TNNT3: variants seen among roughly 807,000 people sequenced by gnomAD.
TNNT3 encodes the protein troponin T, fast skeletal muscle.
A neutral mutation model predicts 54.2 loss-of-function variants in TNNT3; 36 were observed. The ratio of observed to expected loss-of-function variants is 0.66; its 90% CI spans 0.51 to 0.88. The LOEUF (loss-of-function observed/expected upper bound fraction) is 0.88. TNNT3 is among the 40% of genes least tolerant of loss of function. The probability of loss-of-function intolerance (pLI) is 0.00; values close to 1 mark genes in which losing one functional copy is unlikely to be tolerated. For synonymous variants in TNNT3, 120 were observed against 109.7 expected (o/e 1.09, Z -0.59); for missense variants, 291 against 331.6 (o/e 0.88, Z 0.95).
Position 1,927,433 on chromosome 11 carries a change from C to G in TNNT3, c.82+724C>G, listed in dbSNP as rs372647049. Among the ~76,000 whole-genome samples, 4 of 152,272 alleles carry G rather than the reference C, an allele frequency of 2.6e-5. No homozygotes were observed. In the East Asian group the frequency reaches 7.7e-4, roughly 29 times the overall value. The stretch of plus-strand genomic sequence containing the variant: ...AGCTGGGGAGTGCTTCTCAGCTCCC[C>G]CCGTTCATGGGCCGTGGGGCTGAGG... On this transcript the variant is annotated intron_variant, in intron 6 of 15. Transcript: ENST00000278317.
chr11:1,923,451 GCTGGCCTGTCCAGGGCCGGGACACA>G (rs2133248757), intron 3 of TNNT3, 79 bp from the exon 4 acceptor site: 1 of 1,282,434 alleles, frequency 7.8e-7, no homozygotes, highest in Non-Finnish European at 1.1e-6. Context: ...AGGGGCAGTC[GCTGGCCTGTCCAGGGCCGGGACACA>G]CTGGCCTCTC....
intron 7 of TNNT3, among the ~76,000 whole-genome samples, chr11:1,929,353 G>T (rs1241857852): frequency 2.0e-5 from 3 of 152,118 alleles, no homozygotes; most frequent in Non-Finnish European, 4.4e-5. Context: ...GGGTGCCACC[G>T]CTCCAAGTTT....
chr11:1,938,305 G>T, intron 15 of TNNT3, 133 bp from the exon 16 acceptor site: 2 of 964,518 alleles, frequency 2.1e-6, no homozygotes, highest in Non-Finnish European at 3.3e-6. Context: ...CTGGGTGTGG[G>T]CCGCAAGCTT....
At chr11:1,924,959 C>A in intron 4 of TNNT3, 140 bp from the exon 5 acceptor site, 1 of 904,988 alleles carries the variant, frequency 1.1e-6, no homozygotes, top group Non-Finnish European at 1.8e-6. Context: ...TCTTTCACCC[C>A]TGCCAAGCGA....
intron 15 of TNNT3, among the ~76,000 whole-genome samples, chr11:1,937,950 G>C (rs1032049750): frequency 1.3e-5 from 2 of 152,164 alleles, no homozygotes; most frequent in Admixed American, 6.5e-5. Context: ...GGCCGGCCTC[G>C]CGGGCCGAAG....
Position 1,926,626 on chromosome 11 carries a change from C to T in TNNT3, c.68-69C>T, listed in dbSNP as rs200196019. 2.9e-4 allele frequency: 467 copies of T among 1,610,634 alleles called. 3 individuals carry two copies. In the East Asian group the frequency reaches 7.8e-3, roughly 27 times the overall value. The stretch of plus-strand genomic sequence containing the variant: ...TCGGCCCTGCCCGCCCTCCTCTCTG[C>T]GCTGCCACCACTCACACTGGTCCTC... On this transcript the variant is annotated intron_variant, in intron 5 of 15. Transcript: ENST00000278317.
intron 5 of TNNT3, among the ~76,000 whole-genome samples, chr11:1,925,850 C>A (rs1851431904): frequency 6.6e-6 from 1 of 152,150 alleles, no homozygotes; most frequent in South Asian, 2.1e-4. Flanking sequence ...GGGCTGGGGT[C>A]CCATGCCCAG....
At chr11:1,932,369 G>A in intron 8 of TNNT3, 100 bp from the exon 9 acceptor site, 1 of 1,125,906 alleles carries the variant, frequency 8.9e-7, no homozygotes, top group Non-Finnish European at 1.4e-6. Context: ...AGAGCAGGAG[G>A]GCACCAGGGT....
At chr11:1,923,461 C>A in intron 3 of TNNT3, 94 bp from the exon 4 acceptor site, 2 of 1,408,612 alleles carry the variant, frequency 1.4e-6, no homozygotes, top group African/African-American at 1.4e-5. Context: ...GCTGGCCTGT[C>A]CAGGGCCGGG....
At position 1,934,914 on chromosome 11, in the gene TNNT3, T is replaced by C; in HGVS notation, c.676T>C (p.Tyr226His). ...TGGGGAGAAGCTGAAACGCCAGAAA[T>C]ATGACGTGAGTCCCGGCACCTCCGG... is the stretch of plus-strand genomic sequence containing the variant. ...EFGEKLKRQK[Y>H]DITTLRSRID... Residue 226 changes from tyrosine to histidine, a missense_variant, in exon 14 of 16, where the codon TAT becomes CAT. Coordinates refer to ENST00000278317, the MANE Select transcript of TNNT3 (RefSeq NM_006757.4). The C allele has an allele frequency of 6.2e-7, 1 of 1,613,386 alleles. No homozygotes were observed. The highest frequency in any genetic ancestry group is 1.1e-5 in the South Asian group (1 of 91,084).
intron 14 of TNNT3, among the ~76,000 whole-genome samples, chr11:1,936,428 C>G (rs558807140): frequency 2.0e-5 from 3 of 152,334 alleles, no homozygotes; most frequent in Admixed American, 1.3e-4. Context: ...TCCCAGTGGC[C>G]GCTGCCCTGT....
intron 14 of TNNT3, chr11:1,936,144 A>T: frequency 6.3e-7 from 1 of 1,584,994 alleles, no homozygotes; most frequent in Non-Finnish European, 8.7e-7. Context: ...CACCAGGCCA[A>T]GCTAGCCCAC....
chr11:1,935,219 G>T, intron 14 of TNNT3: 1 of 499,060 alleles, frequency 2.0e-6, no homozygotes, highest in Admixed American at 3.3e-5. Context: ...CCATGGCCAA[G>T]TGGACTCAGG....
intron 14 of TNNT3, chr11:1,936,265 G>A (rs376210997): frequency 6.3e-5 from 102 of 1,613,680 alleles, no homozygotes; most frequent in Non-Finnish European, 7.5e-5. Context: ...GTAAGTAGCC[G>A]GGTCCGCCCT....
intron 15 of TNNT3, among the ~76,000 whole-genome samples, chr11:1,937,342 G>T (rs2133543728): frequency 6.6e-6 from 1 of 152,252 alleles, no homozygotes. Flanking sequence ...GGGGCCTTTG[G>T]TGTGGCCAAC....
intron 14 of TNNT3, chr11:1,936,073 C>T: frequency 1.1e-6 from 1 of 894,774 alleles, no homozygotes; most frequent in Non-Finnish European, 1.8e-6. Context: ...CAGGGACCCA[C>T]TGGCTTTGGA....
At chr11:1,926,459 G>A in intron 5 of TNNT3, 1 of 1,613,162 alleles carries the variant, frequency 6.2e-7, no homozygotes. Context: ...TGGCCTCCTT[G>A]GCCCGTGAAG....
At position 1,934,538 on chromosome 11, in the gene TNNT3, C is replaced by T. The variant is rs374954242; in HGVS notation, c.481-8C>T. 116 of 1,607,660 alleles carry T rather than the reference C, an allele frequency of 7.2e-5. 1 individual carries two copies. The highest frequency in any genetic ancestry group is 4.7e-4 in the Admixed American group (28 of 59,174). ...CCAGGCCCCTCTCTTTGGGCCTGTC[C>T]GCTGCAGGCTGACCAGAAGAGAGGC... On this transcript the variant is annotated splice_polypyrimidine_tract_variant and splice_region_variant and intron_variant, in intron 12 of 15. Transcript: ENST00000278317.
intron 2 of TNNT3, 25 bp from the exon 3 acceptor site, chr11:1,923,023 T>C (rs1480276721): frequency 1.2e-6 from 2 of 1,613,242 alleles, no homozygotes; most frequent in African/African-American, 1.3e-5. Flanking sequence ...CTCTCTTTCT[T>C]TCTCTCTCTC....
Sources: allele counts gnomAD v4.1 joint callset (sites outside exome capture counted in the v4.1 genomes callset), GRCh38; gene constraint gnomAD v4.1.1; transcripts MANE v1.5; gene names NCBI Gene and HGNC (gene_info 2026-07-23, HGNC 2026-07-21).